Variants in PSMA1 observed in about 807,000 individuals in gnomAD.
PSMA1 encodes the protein proteasome subunit alpha type-1.
PSMA1 carries 3 observed loss-of-function variants against 38.4 expected under a neutral mutation model. That is an observed-to-expected ratio of 0.08 (90% CI 0.04 to 0.20). The LOEUF is 0.20. Among genes scored for constraint, PSMA1 ranks in the 10% least tolerant of loss-of-function variants. The pLI, the probability that PSMA1 is intolerant of heterozygous loss-of-function variation, is 1.00. For synonymous variants in PSMA1, 101 were observed against 107.1 expected, an observed-to-expected ratio of 0.94 and a Z score of 0.35; for missense variants, 227 against 325.3, an observed-to-expected ratio of 0.70 and a Z score of 2.32.
At chr11:14,609,233 T>C (rs1430318485) in intron 2 of PSMA1, among the ~76,000 whole-genome samples, 2 of 152,216 alleles carry the variant, frequency 1.3e-5, no homozygotes, top group Non-Finnish European at 2.9e-5. Flanking sequence ...ATCACATCAC[T>C]TGGTGAGTCC....
intron 2 of PSMA1, among the ~76,000 whole-genome samples, chr11:14,586,340 G>A (rs940065300): frequency 1.1e-4 from 16 of 151,994 alleles, no homozygotes; most frequent in Non-Finnish European, 1.6e-4. Context: ...GCTAAGGCAG[G>A]AGAATCACTT....
At chr11:14,564,569 T>C (rs948851992) in intron 2 of PSMA1, among the ~76,000 whole-genome samples, 7 of 152,172 alleles carry the variant, frequency 4.6e-5, no homozygotes, top group Non-Finnish European at 7.4e-5. Flanking sequence ...AGGGGTGCAA[T>C]TGCTGGGTTG....
intron 1 of PSMA1, among the ~76,000 whole-genome samples, chr11:14,638,398 G>T (rs1159354519): frequency 6.6e-6 from 1 of 150,578 alleles, no homozygotes; most frequent in African/African-American, 2.4e-5. Flanking sequence ...TTTAAGAAAA[G>T]AATAGTCTTA....
intron 2 of PSMA1, among the ~76,000 whole-genome samples, chr11:14,537,043 A>C (rs1416825597): frequency 7.2e-5 from 11 of 152,340 alleles, no homozygotes; most frequent in Middle Eastern, 3.4e-3. Context: ...AATAGGCCAA[A>C]TATTTTCATT....
intron 2 of PSMA1, among the ~76,000 whole-genome samples, chr11:14,572,760 A>G (rs1852161764): frequency 6.6e-6 from 1 of 152,214 alleles, no homozygotes; most frequent in African/African-American, 2.4e-5. Flanking sequence ...AAACTGATAG[A>G]CTGATAGCAA....
chr11:14,641,089 G>T (rs1203521373), intron 1 of PSMA1, among the ~76,000 whole-genome samples: 1 of 151,968 alleles, frequency 6.6e-6, no homozygotes, highest in African/African-American at 2.4e-5. Context: ...ATGACGCCTT[G>T]ATGGGTGCAG....
chr11:14,573,695 T>C (rs1431123731), intron 2 of PSMA1, among the ~76,000 whole-genome samples: 3 of 152,170 alleles, frequency 2.0e-5, no homozygotes, highest in Admixed American at 2.0e-4. Flanking sequence ...ATAAAGGGTA[T>C]TCAATTAGGA....
At chr11:14,571,943 T>C (rs947694834) in intron 2 of PSMA1, among the ~76,000 whole-genome samples, 23 of 152,242 alleles carry the variant, frequency 1.5e-4, no homozygotes, top group Non-Finnish European at 1.6e-4. Flanking sequence ...GTAAAGGGAT[T>C]AATTCAACAA....
At chr11:14,552,487 G>A (rs1851896860) in intron 2 of PSMA1, among the ~76,000 whole-genome samples, 2 of 152,160 alleles carry the variant, frequency 1.3e-5, no homozygotes, top group Admixed American at 1.3e-4. Context: ...CATCAGTCCT[G>A]TGAGCTCAGT....
At chr11:14,581,916 C>A (rs1369496716) in intron 2 of PSMA1, among the ~76,000 whole-genome samples, 1 of 152,214 alleles carries the variant, frequency 6.6e-6, no homozygotes. Flanking sequence ...TAACTTTCAA[C>A]TTAATAACCC....
At chr11:14,584,929 C>G (rs1358638916) in intron 2 of PSMA1, among the ~76,000 whole-genome samples, 3 of 152,160 alleles carry the variant, frequency 2.0e-5, no homozygotes, top group African/African-American at 7.2e-5. Context: ...GTTAAAGGGA[C>G]TGGAATCATT....
chr11:14,515,585 C>T (rs1413051723), intron 4 of PSMA1, among the ~76,000 whole-genome samples: 1 of 149,708 alleles, frequency 6.7e-6, no homozygotes, highest in African/African-American at 2.5e-5. Context: ...CTGAGTTTCG[C>T]TCTTGTTGCC....
chr11:14,513,403 A>G (rs1851374781), intron 7 of PSMA1, 167 bp downstream of exon 7: 3 of 716,190 alleles, frequency 4.2e-6, no homozygotes, highest in Admixed American at 4.1e-5. Flanking sequence ...AGAAGTTAAG[A>G]TTAGTATATG....
At chr11:14,582,983 C>T (rs1852301027) in intron 2 of PSMA1, among the ~76,000 whole-genome samples, 2 of 152,128 alleles carry the variant, frequency 1.3e-5, no homozygotes, top group Admixed American at 1.3e-4. Flanking sequence ...ACGGCCAAAC[C>T]CAGCTGGATT....
intron 1 of PSMA1, among the ~76,000 whole-genome samples, chr11:14,627,273 G>A (rs1034191032): frequency 6.6e-6 from 1 of 152,060 alleles, no homozygotes; most frequent in African/African-American, 2.4e-5. Context: ...CCATTCCAGG[G>A]TCTATTCGAA....
At chr11:14,628,265 C>A (rs1249772196) in intron 1 of PSMA1, among the ~76,000 whole-genome samples, 1 of 144,980 alleles carries the variant, frequency 6.9e-6, no homozygotes, top group Non-Finnish European at 1.5e-5. Flanking sequence ...GCGCTGCACC[C>A]ACTAACTTGT....
intron 1 of PSMA1, among the ~76,000 whole-genome samples, chr11:14,629,762 A>G (rs1204589572): frequency 1.3e-5 from 2 of 150,470 alleles, no homozygotes; most frequent in African/African-American, 2.4e-5. Flanking sequence ...CTTGGGCAGT[A>G]TGGCCATTTT....
chr11:14,529,365 C>T (rs1851621636), intron 2 of PSMA1, among the ~76,000 whole-genome samples: 1 of 152,130 alleles, frequency 6.6e-6, no homozygotes, highest in Non-Finnish European at 1.5e-5. Flanking sequence ...TGGAGTTAAT[C>T]CTCCCATGCT....
intron 2 of PSMA1, among the ~76,000 whole-genome samples, chr11:14,562,451 T>C (rs575458204): frequency 6.6e-6 from 1 of 152,332 alleles, no homozygotes; most frequent in African/African-American, 2.4e-5. Flanking sequence ...CCCAGACATC[T>C]TTCCTAACAT....
Sources: gnomAD v4.1 joint callset for allele counts (sites outside exome capture counted in the v4.1 genomes callset) on GRCh38, gnomAD v4.1.1 for gene constraint, MANE v1.5 for transcripts, NCBI Gene and HGNC (gene_info 2026-07-23, HGNC 2026-07-21) for gene names.